The following SLC12A6 variants were observed in gnomAD, a reference collection of about 807,000 sequenced individuals.
The protein encoded by SLC12A6 is K-Cl cotransporter 3.
A neutral mutation model predicts 135.3 loss-of-function variants in SLC12A6; 66 were observed. The observed-to-expected ratio is 0.49, with a 90% CI of 0.40 to 0.60. The LOEUF is 0.60. Ranked by LOEUF, SLC12A6 falls within the 20% of genes least tolerant of loss-of-function variation. The pLI is 0.00. For missense variants in SLC12A6, 1,058 were observed against 1,452.3 expected (o/e 0.73, Z 4.41); for synonymous variants, 513 against 508.8 (o/e 1.01, Z -0.11).
intron 2 of SLC12A6, among the ~76,000 whole-genome samples, chr15:34,321,836 G>A (rs80250206): frequency 3.6e-4 from 55 of 152,280 alleles, no homozygotes; most frequent in Non-Finnish European, 5.9e-4. Flanking sequence ...AAAACATTAC[G>A]GCTAGGTGAA....
chr15:34,337,066 T>C (rs1890248746), intron 1 of SLC12A6: 2 of 331,240 alleles, frequency 6.0e-6, no homozygotes, highest in South Asian at 2.5e-5. Flanking sequence ...CAGCCCCCAG[T>C]TTCCTGTCGA....
At position 34,254,559 on chromosome 15, in the gene SLC12A6, G is replaced by T. The variant is rs762067346; in HGVS notation, c.907C>A (p.His303Asn). 6.2e-7 allele frequency: 1 copy of T among 1,609,462 alleles called. No homozygotes were observed. The part of the protein sequence containing the change: ...VYIVPRAAIF[H>N]SDDALKESAA... The stretch of plus-strand genomic sequence containing the variant: ...GATTCCTTGAGTGCGTCATCACTGT[G>T]AAAGATGGCAGCTCGGGGGACGATA... Residue 303 changes from histidine (H) to asparagine (N), a missense_variant, in exon 9 of 26, where the codon CAC (histidine) becomes AAC (asparagine). Around this residue, in one of 6 missense-constraint regions of SLC12A6, gnomAD observed 297 missense variants for 318.5 expected, o/e 0.93. Transcript: ENST00000354181.
At chr15:34,315,242 A>G (rs759370284) in intron 2 of SLC12A6, among the ~76,000 whole-genome samples, 2 of 152,218 alleles carry the variant, frequency 1.3e-5, no homozygotes, top group Non-Finnish European at 2.9e-5. Flanking sequence ...ATCTTTCATA[A>G]AAGAGTCAAT....
Position 34,242,029 on chromosome 15 carries a change from C to T in SLC12A6, c.2162+73G>A, listed in dbSNP as rs1891677214. On this transcript the variant is annotated intron_variant, in intron 17 of 25. Transcript: ENST00000354181. ...GTTACCTGAGTCCTTAAGATATTTT[C>T]ACTGAGCTGGCTCTAACCAAACTAG... 2.7e-6 allele frequency: 3 copies of T among 1,130,644 alleles called. No individual in the cohort carries two copies. The East Asian group carries it at 7.1e-5, about 27-fold the overall frequency. The allele number at this position is 1,130,644 out of a possible 1,614,324, so 70.0% of individuals were successfully genotyped here.
chr15:34,254,063 A>AC (rs1892577451), intron 9 of SLC12A6, among the ~76,000 whole-genome samples: 1 of 152,300 alleles, frequency 6.6e-6, no homozygotes, highest in African/African-American at 2.4e-5. Flanking sequence ...TGTGTATAAT[A>AC]AAAAAAGATT....
intron 2 of SLC12A6, among the ~76,000 whole-genome samples, chr15:34,324,808 C>G (rs781609791): frequency 2.4e-4 from 37 of 152,160 alleles, no homozygotes; most frequent in South Asian, 4.2e-4. Context: ...AGGATGTGAA[C>G]CACTGTTTTA....
intron 3 of SLC12A6, among the ~76,000 whole-genome samples, chr15:34,273,224 A>G (rs347820): frequency 0.6 from 91,725 of 151,898 alleles, 30,319 homozygotes; most frequent in African/African-American, 0.89. Context: ...TGTGGCGTGC[A>G]CCTGTAGTCC....
intron 2 of SLC12A6, among the ~76,000 whole-genome samples, chr15:34,308,213 C>A (rs1887869848): frequency 6.6e-6 from 1 of 152,128 alleles, no homozygotes; most frequent in South Asian, 2.1e-4. Flanking sequence ...GCATGCAGAT[C>A]TAAATTTCCA....
chr15:34,271,519 A>G (rs1893942393), intron 3 of SLC12A6, among the ~76,000 whole-genome samples: 1 of 151,768 alleles, frequency 6.6e-6, no homozygotes, highest in African/African-American at 2.4e-5. Flanking sequence ...TTTTCCTTGG[A>G]TGCCTGATAA....
Position 34,240,839 on chromosome 15 carries a change from G to GAC in SLC12A6, c.2268-11_2268-10insGT. The GAC allele has an allele frequency of 6.2e-7, 1 of 1,607,230 alleles. No individual in the cohort carries two copies. The highest frequency in any genetic ancestry group is 1.1e-5 in the South Asian group (1 of 90,294). ...TACAAGCAACTGAGGCCTGTGAAGA[G>GAC]GTTGGTGGGGGTTGGAGGGGAGGAG... On this transcript the variant is annotated splice_polypyrimidine_tract_variant and intron_variant, in intron 18 of 25. Transcript: ENST00000354181.
rs1890278536 is a variant in SLC12A6, at chr15:34,337,526, CG to C, written c.-268del. On this transcript the variant is annotated 5_prime_UTR_variant, in exon 1 of 26. Coordinates refer to ENST00000354181, the MANE Select transcript of SLC12A6 (RefSeq NM_001365088.1). ...AAGTCGTAGCTAGTCCACTGAGCCA[CG>C]GTCCGCTCGCTAGGTTTCTCCTGCG... 6.6e-6 allele frequency: 1 copy of C among 152,336 alleles called. No homozygotes were observed. The highest frequency in any genetic ancestry group is 2.1e-4 in the South Asian group (1 of 4,842). 9.4% of individuals were successfully genotyped at this position (152,336 alleles called of 1,614,324 possible).
intron 2 of SLC12A6, among the ~76,000 whole-genome samples, chr15:34,305,902 C>T (rs1393791733): frequency 1.3e-5 from 2 of 151,958 alleles, no homozygotes; most frequent in African/African-American, 4.8e-5. Flanking sequence ...GGACTACAGG[C>T]GCCCACCACC....
intron 2 of SLC12A6, among the ~76,000 whole-genome samples, chr15:34,314,339 A>G (rs6495658): frequency 0.039 from 5,970 of 152,180 alleles, 218 homozygotes; most frequent in African/African-American, 0.099. Context: ...GAGCCACTGC[A>G]CCCAGCTAGT....
chr15:34,307,840 T>C (rs1380364985), intron 2 of SLC12A6, among the ~76,000 whole-genome samples: 1 of 152,204 alleles, frequency 6.6e-6, no homozygotes, highest in African/African-American at 2.4e-5. Flanking sequence ...TTAGGGCTTT[T>C]ACTATAGGTT....
intron 2 of SLC12A6, among the ~76,000 whole-genome samples, chr15:34,293,603 C>T (rs1027953654): frequency 1.1e-4 from 16 of 152,160 alleles, no homozygotes; most frequent in Non-Finnish European, 5.9e-5. Flanking sequence ...CGCGCCTAGC[C>T]TATTTCATTT....
intron 2 of SLC12A6, among the ~76,000 whole-genome samples, chr15:34,290,411 T>C (rs920530602): frequency 2.8e-4 from 42 of 152,356 alleles, no homozygotes; most frequent in African/African-American, 9.9e-4. Context: ...ACGTGGTCAA[T>C]TTTAGAATAA....
intron 7 of SLC12A6, among the ~76,000 whole-genome samples, chr15:34,255,760 C>T (rs1166066319): frequency 6.6e-6 from 1 of 150,944 alleles, no homozygotes; most frequent in Non-Finnish European, 1.5e-5. Context: ...TGCTTGAGGC[C>T]AGGAGTTTGA....
rs919685905 is a variant in SLC12A6 at position 34,231,576 on chromosome 15, A to C, written c.*2305T>G. ...AAAGGGAACAAATCAAAATTACTCA[A>C]TTTCTTTCTTTCTTTCTTTTTTTTT... On this transcript the variant is annotated 3_prime_UTR_variant, in exon 26 of 26. Transcript: ENST00000354181. 4.8e-5 allele frequency: 7 copies of C among 145,140 alleles called. No homozygotes were observed. The highest frequency in any genetic ancestry group is 1.8e-4 in the African/African-American group (7 of 39,260). The allele number at this position is 145,140 out of a possible 1,614,324, so 9.0% of individuals were successfully genotyped here.
At chr15:34,269,170 C>CT (rs1893735014) in intron 3 of SLC12A6, among the ~76,000 whole-genome samples, 3 of 152,072 alleles carry the variant, frequency 2.0e-5, no homozygotes, top group Admixed American at 6.5e-5. Context: ...TATTATGTTT[C>CT]TTTTTTCTCA....
Sources: gnomAD v4.1 joint callset for allele counts (sites outside exome capture counted in the v4.1 genomes callset) on GRCh38, gnomAD v4.1.1 for gene constraint, gnomAD v4.1.1 regional missense constraint, MANE v1.5 for transcripts, NCBI Gene and HGNC (gene_info 2026-07-23, HGNC 2026-07-21) for gene names.